NOTCH1: variants seen among roughly 807,000 people sequenced by gnomAD.
The protein encoded by NOTCH1 is notch receptor 1, also known as neurogenic locus notch homolog protein 1.
A neutral mutation model predicts 254.8 loss-of-function variants in NOTCH1; 37 were observed. The observed-to-expected ratio is 0.15, with a 90% CI of 0.11 to 0.19. The LOEUF (loss-of-function observed/expected upper bound fraction) is 0.19, where lower values mean the gene tolerates loss of function less well. NOTCH1 is among the 10% of genes least tolerant of loss of function. The probability of loss-of-function intolerance (pLI) is 1.00; values close to 1 mark genes in which losing one functional copy is unlikely to be tolerated. For missense variants in NOTCH1, 2,972 were observed against 3,708.6 expected (o/e 0.80, Z 5.16); for synonymous variants, 1,731 against 1,618.1 (o/e 1.07, Z -1.68).
intron 4 of NOTCH1, among the ~76,000 whole-genome samples, chr9:136,520,860 A>C (rs1185216512): frequency 2.6e-5 from 4 of 152,124 alleles, no homozygotes; most frequent in Admixed American, 2.0e-4. Flanking sequence ...CTGCCCTGCA[A>C]AGCACTGGCT....
chr9:136,532,112 C>T (rs1455676957), intron 2 of NOTCH1, among the ~76,000 whole-genome samples: 1 of 152,324 alleles, frequency 6.6e-6, no homozygotes, highest in African/African-American at 2.4e-5. Flanking sequence ...CAGGCAGGTG[C>T]CTGCAGCCCT....
chr9:136,519,716 C>T (rs1843336978), intron 4 of NOTCH1, 151 bp from the exon 5 acceptor site: 1 of 1,078,254 alleles, frequency 9.3e-7, no homozygotes, highest in Non-Finnish European at 1.4e-6. Context: ...TGCCTCACTC[C>T]AGTGCCCAGA....
At chr9:136,500,031 G>A (rs1432773006) in intron 31 of NOTCH1, among the ~76,000 whole-genome samples, 4 of 152,158 alleles carry the variant, frequency 2.6e-5, no homozygotes, top group African/African-American at 9.7e-5. Context: ...TGACTGCAAA[G>A]GCAGCCCCTG....
chr9:136,531,822 C>A (rs529615801), intron 2 of NOTCH1, among the ~76,000 whole-genome samples: 1 of 152,376 alleles, frequency 6.6e-6, no homozygotes, highest in East Asian at 1.9e-4. Context: ...CCCGATTCGG[C>A]CGCAGATGGA....
intron 2 of NOTCH1, among the ~76,000 whole-genome samples, chr9:136,535,319 G>C (rs1843628304): frequency 1.3e-5 from 2 of 152,170 alleles, no homozygotes; most frequent in African/African-American, 4.8e-5. Flanking sequence ...CGTGCGGAGA[G>C]GGCCCTGTTT....
Position 136,505,104 on chromosome 9 carries a change from G to C in NOTCH1, c.4587C>G (p.Asn1529Lys). 6.2e-7 allele frequency: 1 copy of C among 1,607,832 alleles called. No homozygotes were observed. The highest frequency in any genetic ancestry group is 8.5e-7 in the Non-Finnish European group (1 of 1,179,476). Residue 1529 changes from asparagine (N) to lysine (K), a missense_variant and splice_region_variant, in exon 26 of 34, where the codon AAC becomes AAG. Physicochemically the swap from Asn to Lys is moderately conservative, Grantham distance 94. This residue lies in a region of NOTCH1 where 1,343 missense variants were observed against 1,557.0 expected (regional missense o/e 0.86). Transcript: ENST00000651671. ...CCTTGCAGTACTGGTCGTACAGGGG[G>C]CTGTGGGGGGCGGGACACGCTCAGG... ...FDCQRAEGQC[N>K]PLYDQYCKDH...
At chr9:136,510,555 C>G (rs966459459) in intron 17 of NOTCH1, 98 bp downstream of exon 17, 39 of 1,476,816 alleles carry the variant, frequency 2.6e-5, no homozygotes, top group South Asian at 1.3e-4. Flanking sequence ...TCCGGCCTCC[C>G]TGGGTGCTTA....
chr9:136,522,494 C>T (rs1843387588), intron 4 of NOTCH1: 1 of 285,078 alleles, frequency 3.5e-6, no homozygotes, highest in Non-Finnish European at 6.5e-6. Context: ...GCCCCCGCAG[C>T]TCCCACGCCC....
At chr9:136,509,363 G>A (rs955844095) in intron 18 of NOTCH1, among the ~76,000 whole-genome samples, 1 of 152,214 alleles carries the variant, frequency 6.6e-6, no homozygotes, top group Non-Finnish European at 1.5e-5. Flanking sequence ...ACCAGAAACC[G>A]TCCTGGTAAC....
At chr9:136,539,078 C>T (rs1177260025) in intron 2 of NOTCH1, among the ~76,000 whole-genome samples, 2 of 152,224 alleles carry the variant, frequency 1.3e-5, no homozygotes, top group African/African-American at 2.4e-5. Context: ...GTTTGCCGCC[C>T]GCATCTGGGG....
In NOTCH1 at chr9:136,513,138, GAGGGA is replaced by G. The variant is rs1843210066; in HGVS notation, c.2354-9_2354-5del. 6.2e-7 allele frequency: 1 copy of G among 1,609,532 alleles called. No individual in the cohort carries two copies. Among genetic ancestry groups the G allele is most frequent in the African/African-American group, 1.3e-5 (1 of 74,778 alleles). The stretch of plus-strand genomic sequence containing the variant: ...ATGTTGGTCTGGCAGTTGGGACCTG[GAGGGA>G]AGGGGACAGCACTCGGCATGTCCAG... On this transcript the variant is annotated splice_region_variant and splice_polypyrimidine_tract_variant and intron_variant, in intron 14 of 33. Transcript: ENST00000651671. This position sits in a 1 kb window ranked among gnomAD's most constrained non-coding sequence, Gnocchi z 4.7.
intron 24 of NOTCH1, 107 bp from the exon 25 acceptor site, chr9:136,505,988 G>T: frequency 9.9e-7 from 1 of 1,009,336 alleles, no homozygotes; most frequent in Non-Finnish European, 1.4e-6. Flanking sequence ...CCTCTAACCT[G>T]GGAGGCGGCC....
chr9:136,500,503 C>G, intron 31 of NOTCH1, 49 bp downstream of exon 31: 1 of 1,601,218 alleles, frequency 6.2e-7, no homozygotes, highest in Admixed American at 1.7e-5. Flanking sequence ...CCCAGACCAC[C>G]AGGCGGCCCT....
chr9:136,534,062 G>C (rs1268274983), intron 2 of NOTCH1, among the ~76,000 whole-genome samples: 1 of 152,240 alleles, frequency 6.6e-6, no homozygotes, highest in Non-Finnish European at 1.5e-5. Context: ...GCACGAGGGC[G>C]ACCGTCGGCT....
chr9:136,504,981 C>T lies in NOTCH1; in HGVS notation c.4710G>A (p.Ala1570=), dbSNP rs773978978. 7.5e-6 allele frequency: 12 copies of T among 1,592,206 alleles called. No individual in the cohort carries two copies. The Admixed American group carries it at 1.6e-4, about 21-fold the overall frequency. Residue 1570 remains alanine, a synonymous_variant, in exon 26 of 34, where the codon GCG becomes GCA. Coordinates refer to ENST00000651671, the MANE Select transcript of NOTCH1 (RefSeq NM_017617.5). ...GCACCACCACCACCAGCGTGCCGGCCGCCAGCCTCTCGGGTACATGCTCCG... is the reference window on the plus strand; with the variant it reads ...GCACCACCACCACCAGCGTGCCGGCTGCCAGCCTCTCGGGTACATGCTCCG... The part of the protein sequence containing the change: ...DCAEHVPERL[A]AGTLVVVVLM...
In NOTCH1 at chr9:136,501,896, A is replaced by G; in HGVS notation, c.5490T>C (p.Val1830=). ...CTGTCTGGTCGTCCAGGTCAGGCAG[A>G]ACCACGGGCTCCTCGAACTACATAG... ...TKKFRFEEPV[V]LPDLDDQTDH... The change falls in exon 30 of 34, where the codon GTT becomes GTC. Residue 1830 remains valine (V), a synonymous_variant. Coordinates refer to ENST00000651671, the MANE Select transcript of NOTCH1 (RefSeq NM_017617.5). The G allele has an allele frequency of 6.2e-7, 1 of 1,612,070 alleles. No homozygotes were observed. The highest frequency in any genetic ancestry group is 8.5e-7 in the Non-Finnish European group (1 of 1,179,962).
At position 136,494,675 on chromosome 9, in the gene NOTCH1, G is replaced by A. The variant is rs969966797; in HGVS notation, c.*1396C>T. 15 of 398,656 alleles carry A rather than the reference G, an allele frequency of 3.8e-5. No homozygotes were observed. The highest frequency in any genetic ancestry group is 1.3e-4 in the Admixed American group (3 of 22,722). 24.7% of individuals were successfully genotyped at this position (398,656 alleles called of 1,614,324 possible). A position where few individuals can be genotyped will look rare whatever the true frequency, so the allele number is the denominator to read the frequency against. Reference sequence around the variant, plus strand: ...GGAGGCTGCCCTGAGGAGTGCAGGCGGCACGGCAGCGGAGCGTCCCCAGTG... The same window carrying A: ...GGAGGCTGCCCTGAGGAGTGCAGGCAGCACGGCAGCGGAGCGTCCCCAGTG... On this transcript the variant is annotated 3_prime_UTR_variant, in exon 34 of 34. Coordinates refer to ENST00000651671, the MANE Select transcript of NOTCH1 (RefSeq NM_017617.5).
At position 136,496,829 on chromosome 9, in the gene NOTCH1, A is replaced by C. The variant is rs749993527; in HGVS notation, c.6910T>G (p.Leu2304Val). ...LNFTVGGSTS[L>V]NGQCEWLSRL... The stretch of plus-strand genomic sequence containing the variant: ...GACAGCCACTCGCATTGACCATTCA[A>C]ACTGGTGGACCCGCCCACAGTGAAA... The change falls in exon 34 of 34, where the codon TTG becomes GTG. Residue 2304 changes from leucine (L) to valine (V), a missense_variant. Transcript: ENST00000651671. 1.1e-5 allele frequency: 18 copies of C among 1,612,794 alleles called. No homozygotes were observed. Among genetic ancestry groups the C allele is most frequent in the Admixed American group, 1.7e-5 (1 of 60,012 alleles).
Position 136,513,048 on chromosome 9 carries a change from T to C in NOTCH1, c.2440A>G (p.Lys814Glu). 2 of 1,592,682 alleles carry C rather than the reference T, an allele frequency of 1.3e-6. No individual in the cohort carries two copies. Among genetic ancestry groups the C allele is most frequent in the Non-Finnish European group, 1.7e-6 (2 of 1,167,482 alleles). Residue 814 changes from lysine (K) to glutamate (E), a missense_variant, in exon 15 of 34, where the codon AAG becomes GAG. Lys to Glu is a moderately conservative substitution (Grantham distance 56). Transcript: ENST00000651671. This position sits in a 1 kb window ranked among gnomAD's most constrained non-coding sequence, Gnocchi z 4.7. ...GTGTAGGGCAGCAGGCAGTTGCACT[T>C]GTACCCGGCAACGTCGTCAATACAC... ...GTCIDDVAGY[K>E]CNCLLPYTGA...
Sources: gnomAD v4.1 joint callset for allele counts (sites outside exome capture counted in the v4.1 genomes callset) on GRCh38, gnomAD v4.1.1 for gene constraint, gnomAD v4.1.1 regional missense constraint, Gnocchi (gnomAD v3.1) non-coding constraint, MANE v1.5 for transcripts, NCBI Gene and HGNC (gene_info 2026-07-23, HGNC 2026-07-21) for gene names.